HTR4: variants seen among roughly 807,000 people sequenced by gnomAD.
HTR4 encodes 5-hydroxytryptamine receptor 4.
Under a neutral mutation model 36.8 loss-of-function variants are expected in HTR4, and 16 were observed. That is an observed-to-expected ratio of 0.43 (90% CI 0.29 to 0.66). The LOEUF (loss-of-function observed/expected upper bound fraction) is 0.66, where lower values mean the gene tolerates loss of function less well. HTR4 is among the 30% of genes least tolerant of loss of function. HTR4 has a pLI of 0.13. For synonymous variants in HTR4, 189 were observed against 185.1 expected, an observed-to-expected ratio of 1.02 and a Z score of -0.17; for missense variants, 438 against 490.9, an observed-to-expected ratio of 0.89 and a Z score of 1.02.
intron 4 of HTR4, among the ~76,000 whole-genome samples, chr5:148,531,547 A>G (rs1369549289): frequency 1.8e-4 from 27 of 152,102 alleles, no homozygotes; most frequent in Non-Finnish European, 7.3e-5. Context: ...TTCAGTATGT[A>G]TTTACCAGCA....
chr5:148,517,481 A>C (rs1486156104), intron 5 of HTR4, among the ~76,000 whole-genome samples: 1 of 152,080 alleles, frequency 6.6e-6, no homozygotes, highest in Non-Finnish European at 1.5e-5. Flanking sequence ...ATAAGTAAAA[A>C]AGCCAAGTGT....
chr5:148,626,171 G>T (rs912968874), intron 2 of HTR4, among the ~76,000 whole-genome samples: 3 of 152,188 alleles, frequency 2.0e-5, no homozygotes, highest in African/African-American at 7.2e-5. Flanking sequence ...GTTACAAATA[G>T]AAATCAGACA....
At chr5:148,535,658 T>C (rs1758779436) in intron 4 of HTR4, among the ~76,000 whole-genome samples, 1 of 152,148 alleles carries the variant, frequency 6.6e-6, no homozygotes, top group African/African-American at 2.4e-5. Flanking sequence ...ATTGTCTCTC[T>C]AAAATAAGAC....
downstream of HTR4, among the ~76,000 whole-genome samples, chr5:148,475,610 G>A (rs1372551514): frequency 6.6e-6 from 1 of 152,146 alleles, no homozygotes; most frequent in Non-Finnish European, 1.5e-5. Context: ...AGTCCTCTTA[G>A]CCTTTGCCTT....
chr5:148,622,102 A>T (rs1752938437), intron 2 of HTR4, among the ~76,000 whole-genome samples: 1 of 152,122 alleles, frequency 6.6e-6, no homozygotes, highest in Admixed American at 6.5e-5. Context: ...TGGCTTCAGG[A>T]TCAGGAGTCT....
chr5:148,586,158 T>C (rs982002475), intron 2 of HTR4, among the ~76,000 whole-genome samples: 1 of 152,140 alleles, frequency 6.6e-6, no homozygotes, highest in Admixed American at 6.5e-5. Flanking sequence ...ACACCTTATC[T>C]GCCTTGCTCA....
chr5:148,588,018 G>C (rs545733064), intron 2 of HTR4, among the ~76,000 whole-genome samples: 3 of 152,120 alleles, frequency 2.0e-5, no homozygotes, highest in African/African-American at 7.2e-5. Context: ...TAGATTTGTA[G>C]CTGGATTTGG....
intron 5 of HTR4, among the ~76,000 whole-genome samples, chr5:148,459,284 T>G (rs1443404130): frequency 6.6e-6 from 1 of 152,140 alleles, no homozygotes; most frequent in Non-Finnish European, 1.5e-5. Flanking sequence ...AGTTTCACCT[T>G]CAGGAACTCA....
chr5:148,595,794 T>A (rs1162816545), intron 2 of HTR4, among the ~76,000 whole-genome samples: 2 of 152,230 alleles, frequency 1.3e-5, no homozygotes, highest in Non-Finnish European at 2.9e-5. Context: ...ATTTAAATGA[T>A]ATAAATTATA....
At chr5:148,626,085 C>T (rs531681300) in intron 2 of HTR4, among the ~76,000 whole-genome samples, 18 of 152,252 alleles carry the variant, frequency 1.2e-4, no homozygotes, top group African/African-American at 4.1e-4. Flanking sequence ...GGCTGATATG[C>T]CCCACCCTCA....
At chr5:148,604,937 G>C (rs773725314) in intron 2 of HTR4, among the ~76,000 whole-genome samples, 9 of 152,168 alleles carry the variant, frequency 5.9e-5, no homozygotes, top group Non-Finnish European at 1.2e-4. Flanking sequence ...GAACACAGTG[G>C]AGAAGATGGC....
intron 2 of HTR4, among the ~76,000 whole-genome samples, chr5:148,559,424 T>C (rs1440416354): frequency 1.3e-5 from 2 of 152,206 alleles, no homozygotes; most frequent in Non-Finnish European, 2.9e-5. Flanking sequence ...CTTATGTAAA[T>C]TGATTTTTCA....
In HTR4 at chr5:148,509,970, C is replaced by A; in HGVS notation, c.562G>T (p.Val188Phe). 1 of 1,613,652 alleles carries A rather than the reference C, an allele frequency of 6.2e-7. No individual in the cohort carries two copies. The highest frequency in any genetic ancestry group is 1.1e-5 in the South Asian group (1 of 91,050). The change falls in exon 6 of 7, where the codon GTC becomes TTC. Residue 188 changes from valine (V) to phenylalanine (F), a missense_variant. Physicochemically the swap from Val to Phe is conservative, Grantham distance 50. Coordinates refer to ENST00000377888, the MANE Select transcript of HTR4 (RefSeq NM_000870.7). Reference sequence around the variant, plus strand: ...CAGGTGATGGCGTAGGGCTTGTTGACCATGAAGACACAGTACGTAGAGTTA... The same window carrying A: ...CAGGTGATGGCGTAGGGCTTGTTGAACATGAAGACACAGTACGTAGAGTTA... ...NSNSTYCVFM[V>F]NKPYAITCSV...
intron 6 of HTR4, among the ~76,000 whole-genome samples, chr5:148,504,407 G>A (rs981787150): frequency 1.4e-4 from 22 of 152,280 alleles, no homozygotes; most frequent in East Asian, 3.9e-4. Context: ...GGTACATAAC[G>A]AAATGAAGGC....
At chr5:148,494,080 G>T (rs1480971020) in intron 6 of HTR4, among the ~76,000 whole-genome samples, 1 of 152,172 alleles carries the variant, frequency 6.6e-6, no homozygotes, top group Non-Finnish European at 1.5e-5. Flanking sequence ...GGGGAATTCT[G>T]ATGTGCTGAA....
chr5:148,520,171 G>A (rs1418730687), intron 5 of HTR4, among the ~76,000 whole-genome samples: 2 of 152,204 alleles, frequency 1.3e-5, no homozygotes, highest in South Asian at 2.1e-4. Context: ...TTTAATTGCC[G>A]CCAACAACAT....
At chr5:148,561,372 G>C (rs556295732) in intron 2 of HTR4, among the ~76,000 whole-genome samples, 1 of 151,126 alleles carries the variant, frequency 6.6e-6, no homozygotes, top group African/African-American at 2.4e-5. Flanking sequence ...AGATAGGCAA[G>C]GTGAGATCTA....
chr5:148,532,851 A>G (rs1407832593), intron 4 of HTR4, among the ~76,000 whole-genome samples: 1 of 152,208 alleles, frequency 6.6e-6, no homozygotes, highest in Admixed American at 6.5e-5. Flanking sequence ...GATTTGTTGA[A>G]ACACAGATTG....
intron 2 of HTR4, among the ~76,000 whole-genome samples, chr5:148,636,556 C>A (rs573242852): frequency 5.9e-5 from 9 of 152,208 alleles, no homozygotes; most frequent in African/African-American, 2.2e-4. Context: ...CTATACCATG[C>A]AACCATTATG....
Sources: allele counts gnomAD v4.1 joint callset (sites outside exome capture counted in the v4.1 genomes callset), GRCh38; gene constraint gnomAD v4.1.1; transcripts MANE v1.5; gene names NCBI Gene and HGNC (gene_info 2026-07-23, HGNC 2026-07-21).